The following XCR1 variants were observed in gnomAD, a reference collection of about 807,000 sequenced individuals.
The protein encoded by XCR1 is X-C motif chemokine receptor 1.
For synonymous variants in XCR1, 187 were observed against 188.5 expected (o/e 0.99, Z 0.06); for missense variants, 356 against 424.2 (o/e 0.84, Z 1.41).
At chr3:46,054,705 G>C (rs2125899888) in intron 4 of XCR1, among the ~76,000 whole-genome samples, 1 of 152,252 alleles carries the variant, frequency 6.6e-6, no homozygotes, top group South Asian at 2.1e-4. Context: ...TGGGAGCTCA[G>C]TCTCAAATCC....
At chr3:46,052,956 C>T (rs1697776928) in intron 5 of XCR1, among the ~76,000 whole-genome samples, 2 of 152,170 alleles carry the variant, frequency 1.3e-5, no homozygotes, top group Admixed American at 1.3e-4. Context: ...TGCTGATAAG[C>T]AGCATTTGTG....
intron 5 of XCR1, among the ~76,000 whole-genome samples, chr3:46,038,162 A>G (rs2133661): frequency 0.81 from 123,490 of 151,812 alleles, 50,678 homozygotes; most frequent in East Asian, 0.99. Context: ...CAAGTAGCTG[A>G]GATTACAGGC....
chr3:46,038,030 G>T lies in XCR1; in HGVS notation c.-32+15890C>A, dbSNP rs369380968. Among the ~76,000 whole-genome samples the T allele has an allele frequency of 4.7e-3, 577 of 123,192 alleles. 3 individuals carry two copies. Among genetic ancestry groups the T allele is most frequent in the African/African-American group, 0.016 (478 of 30,352 alleles). The allele number at this position is 123,192 out of a possible 152,430, so 80.8% of individuals were successfully genotyped here. ...TGTTGTGTGCACGGGTTTGTTTTTT[G>T]TTTTTTTTTTTTTTTGAGAGGGAGT... On this transcript the variant is annotated intron_variant, in intron 5 of 5. Coordinates refer to the XCR1 transcript ENST00000683768.
chr3:46,051,567 A>G (rs1316176969), intron 5 of XCR1, among the ~76,000 whole-genome samples: 1 of 152,232 alleles, frequency 6.6e-6, no homozygotes, highest in Non-Finnish European at 1.5e-5. Flanking sequence ...TGGGTCTATT[A>G]GAGGCTATGG....
At chr3:46,046,880 T>C (rs1450280309) in intron 5 of XCR1, among the ~76,000 whole-genome samples, 1 of 152,224 alleles carries the variant, frequency 6.6e-6, no homozygotes, top group Non-Finnish European at 1.5e-5. Flanking sequence ...TCAAAGGTGA[T>C]GTTGGATGTG....
rs1215018411 is a variant in XCR1 at position 46,021,427 on chromosome 3, C to A, written c.521G>T (p.Gly174Val). Residue 174 changes from glycine to valine, a missense_variant, in exon 2 of 2, where the codon GGC (glycine) becomes GTC (valine). Coordinates refer to ENST00000309285, the MANE Select transcript of XCR1 (RefSeq NM_001024644.2). The surrounding 1 kb of genome is among the most constrained non-coding windows in gnomAD (Gnocchi z 4.7). ...CCACGTGAGTTCGGAATAATCACAG[C>A]CCGAAGAAAGCACCTTGTGGAAGAT... ...DTIFHKVLSS[G>V]CDYSELTWYL... 6.2e-7 allele frequency: 1 copy of A among 1,614,092 alleles called. No homozygotes were observed. Among genetic ancestry groups the A allele is most frequent in the Non-Finnish European group, 8.5e-7 (1 of 1,180,012 alleles).
upstream of XCR1, among the ~76,000 whole-genome samples, chr3:46,030,883 G>A (rs1345191926): frequency 1.3e-5 from 2 of 152,276 alleles, no homozygotes; most frequent in Non-Finnish European, 2.9e-5. Flanking sequence ...TCCCTGCCGT[G>A]TTCTGGGAGC....
intron 4 of XCR1, among the ~76,000 whole-genome samples, chr3:46,059,498 C>A (rs1697921099): frequency 6.6e-6 from 1 of 152,168 alleles, no homozygotes; most frequent in Admixed American, 6.5e-5. Context: ...CCACAAATTG[C>A]AGCCTGTGAA....
upstream of XCR1, among the ~76,000 whole-genome samples, chr3:46,028,277 A>G (rs540586397): frequency 8.5e-5 from 13 of 152,242 alleles, no homozygotes; most frequent in East Asian, 2.5e-3. Context: ...ACCAAACAAC[A>G]GGAGTGAAAC....
chr3:46,021,338 A>G lies in XCR1; in HGVS notation c.610T>C (p.Cys204Arg), dbSNP rs1205200361. The G allele has an allele frequency of 6.2e-7, 1 of 1,614,234 alleles. No homozygotes were observed. The highest frequency in any genetic ancestry group is 8.5e-7 in the Non-Finnish European group (1 of 1,180,034). Residue 204 changes from cysteine (C) to arginine (R), a missense_variant, in exon 2 of 2, where the codon TGC becomes CGC. Cys to Arg is a radical substitution (Grantham distance 180). Coordinates refer to ENST00000309285, the MANE Select transcript of XCR1 (RefSeq NM_001024644.2). This position sits in a 1 kb window ranked among gnomAD's most constrained non-coding sequence, Gnocchi z 4.7. ...FLLSLGIILF[C>R]YVEILRTLFR... is the part of the protein sequence containing the mutation. Reference sequence around the variant, plus strand: ...AGGGTCCTGAGGATCTCCACGTAGCAGAACAGGATAATCCCCAGGGACAGC... The same window carrying G: ...AGGGTCCTGAGGATCTCCACGTAGCGGAACAGGATAATCCCCAGGGACAGC...
In XCR1 at chr3:46,074,805, C is replaced by T. The variant is rs144456936; in HGVS notation, c.-327-90G>A. Among the ~76,000 whole-genome samples, 42 of 152,156 alleles carry T rather than the reference C, an allele frequency of 2.8e-4. 1 individual carries two copies. The highest frequency in any genetic ancestry group is 1.0e-4 in the Non-Finnish European group (7 of 68,006). ...AATTTTGGATTTAAGTGGACCTTCC[C>T]AGTTTAAACCCATGTTGTTCAAGAA... On this transcript the variant is annotated intron_variant, in intron 2 of 5. Transcript: ENST00000683768.
In XCR1 at chr3:46,075,302, A is replaced by G. The variant is rs1249747232; in HGVS notation, c.-327-587T>C. Among the ~76,000 whole-genome samples, 3 of 128,500 alleles carry G rather than the reference A, an allele frequency of 2.3e-5. No homozygotes were observed. The Admixed American group carries it at 2.4e-4, about 10-fold the overall frequency. 84.3% of individuals were successfully genotyped at this position (128,500 alleles called of 152,430 possible). A position where few individuals can be genotyped will look rare whatever the true frequency, so the allele number is the denominator to read the frequency against. On this transcript the variant is annotated intron_variant, in intron 2 of 5. Transcript: ENST00000683768. ...ATAGTGCTAGAGCAACTAGATGCTCATAGACCAAAAAAAAAAAAAAAAAAA... is the reference window on the plus strand; with the variant it reads ...ATAGTGCTAGAGCAACTAGATGCTCGTAGACCAAAAAAAAAAAAAAAAAAA...
At chr3:46,037,778 C>A (rs1697461064) in intron 5 of XCR1, among the ~76,000 whole-genome samples, 1 of 152,036 alleles carries the variant, frequency 6.6e-6, no homozygotes, top group South Asian at 2.1e-4. Context: ...GTCAGTTTGG[C>A]AATTCTTTTT....
chr3:46,066,006 A>C (rs35516580), intron 4 of XCR1, among the ~76,000 whole-genome samples: 1 of 151,758 alleles, frequency 6.6e-6, no homozygotes, highest in Non-Finnish European at 1.5e-5. Flanking sequence ...CCCTTGTCTC[A>C]CTCCTTTGCT....
intron 4 of XCR1, among the ~76,000 whole-genome samples, chr3:46,065,500 A>G (rs903923783): frequency 6.6e-6 from 1 of 152,200 alleles, no homozygotes; most frequent in Non-Finnish European, 1.5e-5. Flanking sequence ...CACCTGCCAA[A>G]TATCATATGA....
At chr3:46,055,659 T>C (rs1364847918) in intron 4 of XCR1, among the ~76,000 whole-genome samples, 2 of 152,222 alleles carry the variant, frequency 1.3e-5, no homozygotes, top group Non-Finnish European at 2.9e-5. Flanking sequence ...CTTGGTGTAC[T>C]GACTTGCTCT....
chr3:46,018,238 G>C lies in XCR1; in HGVS notation c.*2708C>G, dbSNP rs2125891687. The C allele has an allele frequency of 6.6e-6, 1 of 152,312 alleles. No homozygotes were observed. Among genetic ancestry groups the C allele is most frequent in the East Asian group, 1.9e-4 (1 of 5,174 alleles). The allele number at this position is 152,312 out of a possible 1,614,324, so 9.4% of individuals were successfully genotyped here. On this transcript the variant is annotated 3_prime_UTR_variant, in exon 2 of 2. Coordinates refer to ENST00000309285, the MANE Select transcript of XCR1 (RefSeq NM_001024644.2). ...AAGAGAAGCATCTTGGGATGGGTAG[G>C]AATGGGATGGCATGGGGAGAGGGTG... is the stretch of plus-strand genomic sequence containing the variant.
chr3:46,059,779 C>G (rs4493468), intron 4 of XCR1, among the ~76,000 whole-genome samples: 120,760 of 151,804 alleles, frequency 0.8, 48,358 homozygotes, highest in East Asian at 0.99. Flanking sequence ...TGTAAATAAA[C>G]GTTCCACCAA....
intron 5 of XCR1, among the ~76,000 whole-genome samples, chr3:46,049,277 A>G (rs1262837361): frequency 1.3e-5 from 2 of 152,228 alleles, no homozygotes; most frequent in Non-Finnish European, 2.9e-5. Context: ...TTTGTGTTAT[A>G]GCCCTAATAT....
Sources: gnomAD v4.1 joint callset for allele counts (sites outside exome capture counted in the v4.1 genomes callset) on GRCh38, gnomAD v4.1.1 for gene constraint, Gnocchi (gnomAD v3.1) non-coding constraint, MANE v1.5 for transcripts, NCBI Gene and HGNC (gene_info 2026-07-23, HGNC 2026-07-21) for gene names.